KLHL31: variants seen among roughly 807,000 people sequenced by gnomAD.
KLHL31 encodes kelch-like protein 31.
A neutral mutation model predicts 47.1 loss-of-function variants in KLHL31; 32 were observed. The observed-to-expected ratio is 0.68, with a 90% CI of 0.51 to 0.91. KLHL31 has a LOEUF of 0.91. Among genes scored for constraint, KLHL31 ranks in the 40% least tolerant of loss-of-function variants. The pLI is 0.00. For synonymous variants in KLHL31, 330 were observed against 325.1 expected, an observed-to-expected ratio of 1.01 and a Z score of -0.16; for missense variants, 797 against 819.3, an observed-to-expected ratio of 0.97 and a Z score of 0.33.
intron 1 of KLHL31, among the ~76,000 whole-genome samples, chr6:53,658,272 T>C (rs373326674): frequency 0.031 from 486 of 15,680 alleles, 2 homozygotes; most frequent in African/African-American, 0.076. Context: ...GAAGAACTCC[T>C]GTGGCCATTT....
At chr6:53,658,669 G>T (rs1283794099) in intron 1 of KLHL31, among the ~76,000 whole-genome samples, 1 of 152,018 alleles carries the variant, frequency 6.6e-6, no homozygotes, top group African/African-American at 2.4e-5. Context: ...TTTAGAGAGG[G>T]ATCTTAGTAT....
At chr6:53,656,144 A>G (rs573415152) in intron 1 of KLHL31, among the ~76,000 whole-genome samples, 71 of 108,616 alleles carry the variant, frequency 6.5e-4, no homozygotes, top group Middle Eastern at 4.7e-3. Flanking sequence ...ATTTAGTGAG[A>G]CACATATAAG....
rs1244758281 is a variant in KLHL31 at position 53,651,966 on chromosome 6, C to T, written c.1537G>A (p.Asp513Asn). 1 of 1,593,328 alleles carries T rather than the reference C, an allele frequency of 6.3e-7. No individual in the cohort carries two copies. The highest frequency in any genetic ancestry group is 1.3e-5 in the African/African-American group (1 of 74,918). Reference protein sequence around the residue: ...RGWHCAVTLSDRVYVMGGSQL... With the variant: ...RGWHCAVTLSNRVYVMGGSQL... ...CTGCCGCCCATCACGTACACTCTGTCGCTCAGCGTGACCGCGCAGTGCCAG... is the reference window on the plus strand; with the variant it reads ...CTGCCGCCCATCACGTACACTCTGTTGCTCAGCGTGACCGCGCAGTGCCAG... The change falls in exon 3 of 3, where the codon GAC (aspartate) becomes AAC (asparagine). Residue 513 changes from aspartate to asparagine, a missense_variant. Transcript: ENST00000370905.
chr6:53,662,382 G>A (rs1764660363), intron 1 of KLHL31, among the ~76,000 whole-genome samples: 1 of 152,184 alleles, frequency 6.6e-6, no homozygotes. Context: ...GGAGGAGCAG[G>A]TTTAGCCAGA....
At position 53,654,917 on chromosome 6, in the gene KLHL31, A is replaced by T. The variant is rs762600334; in HGVS notation, c.356T>A (p.Leu119Gln). The T allele has an allele frequency of 1.9e-6, 3 of 1,614,052 alleles. No homozygotes were observed. The South Asian group carries it at 3.3e-5, about 18-fold the overall frequency. The stretch of plus-strand genomic sequence containing the variant: ...ATATGCAATGACAGTGGCCAGGCCT[A>T]GTGGTGAGATATCATTGAGATCCAC... ...QRVDLNDISP[L>Q]GLATVIAYAY... The change falls in exon 2 of 3, where the codon CTA becomes CAA. Residue 119 changes from leucine to glutamine, a missense_variant. Coordinates refer to ENST00000370905, the MANE Select transcript of KLHL31 (RefSeq NM_001003760.5).
intron 2 of KLHL31, among the ~76,000 whole-genome samples, chr6:53,653,069 G>A (rs1028742270): frequency 1.3e-5 from 2 of 152,018 alleles, no homozygotes; most frequent in African/African-American, 4.8e-5. Flanking sequence ...AACTATCCAT[G>A]TATAAGCACT....
Position 53,651,547 on chromosome 6 carries a change from G to T in KLHL31, c.*51C>A. On this transcript the variant is annotated 3_prime_UTR_variant, in exon 3 of 3. Coordinates refer to ENST00000370905, the MANE Select transcript of KLHL31 (RefSeq NM_001003760.5). Reference sequence around the variant, plus strand: ...CGCGAACTCAGAGGTTAACCACGTGGCTCTACGAATAAATAACGTGTTCTT... The same window carrying T: ...CGCGAACTCAGAGGTTAACCACGTGTCTCTACGAATAAATAACGTGTTCTT... 1 of 1,564,778 alleles carries T rather than the reference G, an allele frequency of 6.4e-7. No homozygotes were observed. The highest frequency in any genetic ancestry group is 8.7e-7 in the Non-Finnish European group (1 of 1,153,956).
chr6:53,654,024 A>G, intron 2 of KLHL31, 77 bp downstream of exon 2: 1 of 1,247,680 alleles, frequency 8.0e-7, no homozygotes, highest in Non-Finnish European at 1.1e-6. Context: ...TTAATAAGCA[A>G]GATTAATTTA....
chr6:53,653,014 G>T (rs1390461428), intron 2 of KLHL31, among the ~76,000 whole-genome samples: 2 of 139,140 alleles, frequency 1.4e-5, no homozygotes, highest in African/African-American at 2.7e-5. Context: ...CAGTAGAGAA[G>T]ACTTTTTAGT....
chr6:53,655,833 C>T (rs1360521509), intron 1 of KLHL31, among the ~76,000 whole-genome samples: 2 of 152,184 alleles, frequency 1.3e-5, no homozygotes, highest in East Asian at 3.9e-4. Flanking sequence ...TCTCGAACTC[C>T]TGGCCTCAAG....
At chr6:53,657,700 T>G (rs1422891704) in intron 1 of KLHL31, among the ~76,000 whole-genome samples, 1 of 149,730 alleles carries the variant, frequency 6.7e-6, no homozygotes, top group Non-Finnish European at 1.5e-5. Context: ...AAACTCAGCT[T>G]TGGCTCTCCT....
At chr6:53,663,226 T>G (rs990061959) in intron 1 of KLHL31, among the ~76,000 whole-genome samples, 4 of 152,336 alleles carry the variant, frequency 2.6e-5, no homozygotes, top group African/African-American at 9.6e-5. Flanking sequence ...AAAAGTTAGC[T>G]TTTTCTAACA....
In KLHL31 at chr6:53,655,242, T is replaced by TCTTTTTG; in HGVS notation, c.24_30dup (p.Asn11GlnfsTer9). The TCTTTTTG allele has an allele frequency of 6.3e-7, 1 of 1,579,578 alleles. No individual in the cohort carries two copies. Among genetic ancestry groups the TCTTTTTG allele is most frequent in the Non-Finnish European group, 8.6e-7 (1 of 1,164,944 alleles). ...GTCATCTCATTGATATCTCCTTTGT[T>TCTTTTTG]CTTTTTGACAATCTTCTTTTTGGGT... On this transcript the variant is annotated frameshift_variant, in exon 2 of 3. Transcript: ENST00000370905. LOFTEE classifies it high-confidence loss of function.
Position 53,651,524 on chromosome 6 carries a change from C to A in KLHL31, c.*74G>T, listed in dbSNP as rs1192471208. The A allele has an allele frequency of 1.3e-6, 2 of 1,506,166 alleles. No individual in the cohort carries two copies. The highest frequency in any genetic ancestry group is 1.8e-6 in the Non-Finnish European group (2 of 1,123,144). The allele number at this position is 1,506,166 out of a possible 1,614,324, so 93.3% of individuals were successfully genotyped here. ...TAAATGTTAAATATTTTCCTTTTCG[C>A]GAACTCAGAGGTTAACCACGTGGCT... On this transcript the variant is annotated 3_prime_UTR_variant, in exon 3 of 3. Coordinates refer to ENST00000370905, the MANE Select transcript of KLHL31 (RefSeq NM_001003760.5).
chr6:53,651,820 C>T lies in KLHL31; in HGVS notation c.1683G>A (p.Ser561=), dbSNP rs141932151. ...LQVGVSTAGV[S]ALHGRAYLVG... ...CCAGGTAGGCGCGGCCATGCAGCGC[C>T]GAGACGCCCGCAGTGCTCACTCCCA... Residue 561 remains serine (S), a synonymous_variant, in exon 3 of 3, where the codon TCG becomes TCA. Transcript: ENST00000370905. 32 of 1,610,742 alleles carry T rather than the reference C, an allele frequency of 2.0e-5. No individual in the cohort carries two copies. In the African/African-American group the frequency reaches 3.3e-4, roughly 17 times the overall value.
intron 1 of KLHL31, among the ~76,000 whole-genome samples, chr6:53,656,143 G>A (rs1348374688): frequency 9.2e-6 from 1 of 108,386 alleles, no homozygotes; most frequent in Non-Finnish European, 2.3e-5. Context: ...AATTTAGTGA[G>A]ACACATATAA....
intron 1 of KLHL31, among the ~76,000 whole-genome samples, chr6:53,657,876 C>A (rs1764587260): frequency 6.6e-6 from 1 of 150,752 alleles, no homozygotes; most frequent in African/African-American, 2.5e-5. Context: ...CTTTAAGCTC[C>A]AATTATCATA....
rs1408725640 is a variant in KLHL31 at position 53,652,346 on chromosome 6, A to G, written c.1173-16T>C. On this transcript the variant is annotated splice_polypyrimidine_tract_variant and intron_variant, in intron 2 of 2. Transcript: ENST00000370905. Reference sequence around the variant, plus strand: ...GGGATCGTATCTGGAAATGATAGAGAAGGTGTAACAGCTTTGTCGGCGGCA... The same window carrying G: ...GGGATCGTATCTGGAAATGATAGAGGAGGTGTAACAGCTTTGTCGGCGGCA... 2 of 1,612,670 alleles carry G rather than the reference A, an allele frequency of 1.2e-6. No individual in the cohort carries two copies. Among genetic ancestry groups the G allele is most frequent in the South Asian group, 2.2e-5 (2 of 91,066 alleles).
intron 1 of KLHL31, among the ~76,000 whole-genome samples, chr6:53,660,754 T>C (rs953762060): frequency 1.3e-5 from 2 of 152,146 alleles, no homozygotes; most frequent in African/African-American, 2.4e-5. Context: ...ACAACAGAGG[T>C]TGCAGTGAGC....
Sources: allele counts gnomAD v4.1 joint callset (sites outside exome capture counted in the v4.1 genomes callset), GRCh38; gene constraint gnomAD v4.1.1; transcripts MANE v1.5; gene names NCBI Gene and HGNC (gene_info 2026-07-23, HGNC 2026-07-21).